The following ADARB2 variants were observed in gnomAD, a reference collection of about 807,000 sequenced individuals.
ADARB2 encodes inactive double-stranded RNA-specific editase B2.
A neutral mutation model predicts 62.2 loss-of-function variants in ADARB2; 25 were observed. That is an observed-to-expected ratio of 0.40 (90% CI 0.29 to 0.56). The LOEUF (loss-of-function observed/expected upper bound fraction) is 0.56, where lower values mean the gene tolerates loss of function less well. ADARB2 is among the 20% of genes least tolerant of loss of function. The probability of loss-of-function intolerance (pLI) is 0.43; values close to 1 mark genes in which losing one functional copy is unlikely to be tolerated. For missense variants in ADARB2, 1,071 were observed against 1,077.4 expected (o/e 0.99, Z 0.08); for synonymous variants, 572 against 500.8 (o/e 1.14, Z -1.90).
At chr10:1,705,262 G>A (rs1244093265) in intron 1 of ADARB2, among the ~76,000 whole-genome samples, 1 of 152,180 alleles carries the variant, frequency 6.6e-6, no homozygotes, top group Non-Finnish European at 1.5e-5. Context: ...GGGTTGCAGG[G>A]GCTGCATTCT....
chr10:1,706,355 G>T (rs1357103965), intron 1 of ADARB2, among the ~76,000 whole-genome samples: 1 of 152,188 alleles, frequency 6.6e-6, no homozygotes, highest in Non-Finnish European at 1.5e-5. Context: ...CTGGGGAATA[G>T]GAACAGCTTG....
chr10:1,240,820 T>C (rs1265896961), intron 5 of ADARB2, among the ~76,000 whole-genome samples: 1 of 152,212 alleles, frequency 6.6e-6, no homozygotes, highest in Admixed American at 6.5e-5. Context: ...TTGGTGATAG[T>C]CCCAGTTGAG....
chr10:1,487,366 C>A (rs946891332), intron 1 of ADARB2, among the ~76,000 whole-genome samples: 1 of 152,382 alleles, frequency 6.6e-6, no homozygotes, highest in East Asian at 1.9e-4. Context: ...CACACTCACA[C>A]TTCTCGTAAA....
Position 1,363,523 on chromosome 10 carries a change from G to A in ADARB2, c.582C>T (p.Asn194=). 6.5e-7 allele frequency: 1 copy of A among 1,543,578 alleles called. No homozygotes were observed. Among genetic ancestry groups the A allele is most frequent in the South Asian group, 1.2e-5 (1 of 81,520 alleles). Residue 194 remains asparagine, a synonymous_variant, in exon 3 of 10, where the codon AAC becomes AAT. Transcript: ENST00000381312. ...LALRSFVQFP[N]ACQAHLAMGG... ...CCATGGCCAGGTGCGCCTGGCAGGC[G>A]TTGGGGAACTGCACGAAGGACCTGA...
chr10:1,249,724 G>A (rs528925331), intron 4 of ADARB2, among the ~76,000 whole-genome samples: 1 of 151,932 alleles, frequency 6.6e-6, no homozygotes, highest in Non-Finnish European at 1.5e-5. Flanking sequence ...CCATTGACGA[G>A]CACAACAAGA....
chr10:1,484,092 C>A (rs938503673), intron 1 of ADARB2, among the ~76,000 whole-genome samples: 1 of 152,164 alleles, frequency 6.6e-6, no homozygotes, highest in African/African-American at 2.4e-5. Flanking sequence ...TCACAATAAG[C>A]CCATAAGCAC....
At chr10:1,735,981 C>T (rs1331798557) in intron 1 of ADARB2, among the ~76,000 whole-genome samples, 7 of 152,232 alleles carry the variant, frequency 4.6e-5, no homozygotes, top group Non-Finnish European at 8.8e-5. Context: ...GAAAGATGGA[C>T]AACCCCAAAC....
intron 1 of ADARB2, among the ~76,000 whole-genome samples, chr10:1,710,578 C>A (rs893495374): frequency 6.6e-6 from 1 of 152,188 alleles, no homozygotes; most frequent in African/African-American, 2.4e-5. Context: ...CACTTATTCA[C>A]GGCACTCACA....
At chr10:1,524,698 G>T (rs547001445) in intron 1 of ADARB2, among the ~76,000 whole-genome samples, 56 of 152,268 alleles carry the variant, frequency 3.7e-4, no homozygotes, top group African/African-American at 1.3e-3. Context: ...CAGCCCGGTG[G>T]CTGCCCGGGG....
At chr10:1,402,255 C>T (rs1832670162) in intron 1 of ADARB2, among the ~76,000 whole-genome samples, 1 of 152,190 alleles carries the variant, frequency 6.6e-6, no homozygotes, top group Non-Finnish European at 1.5e-5. Flanking sequence ...TCAGTGTTTA[C>T]GCGTGCGCGC....
At chr10:1,640,111 G>A (rs1833963161) in intron 1 of ADARB2, among the ~76,000 whole-genome samples, 1 of 152,214 alleles carries the variant, frequency 6.6e-6, no homozygotes, top group Admixed American at 6.5e-5. Flanking sequence ...TAGTGATGGG[G>A]AACTCACTAT....
chr10:1,525,750 GGTGT>G (rs1832132118), intron 1 of ADARB2, among the ~76,000 whole-genome samples: 1 of 152,010 alleles, frequency 6.6e-6, no homozygotes, highest in African/African-American at 2.4e-5. Flanking sequence ...TGCATGTATG[GGTGT>G]GTATGTGTAT....
At position 1,251,406 on chromosome 10, in the gene ADARB2, G is replaced by A. The variant is rs546972207; in HGVS notation, c.1193-9107C>T. Among the ~76,000 whole-genome samples, 102 of 152,340 alleles carry A rather than the reference G, an allele frequency of 6.7e-4. 1 individual carries two copies. The highest frequency in any genetic ancestry group is 5.2e-3 in the Admixed American group (79 of 15,298). The stretch of plus-strand genomic sequence containing the variant: ...ATGGAGATATGTAAAAAGGTCAGTG[G>A]TTGCCAGGGGATGAGGCGGGGAAGG... On this transcript the variant is annotated intron_variant, in intron 4 of 9. Transcript: ENST00000381312.
intron 1 of ADARB2, among the ~76,000 whole-genome samples, chr10:1,707,152 G>A (rs1020075410): frequency 1.3e-5 from 2 of 152,156 alleles, no homozygotes; most frequent in African/African-American, 4.8e-5. Flanking sequence ...TCCTTTACAG[G>A]TGCTTCCTTC....
At chr10:1,736,601 G>A (rs1282930448) in intron 1 of ADARB2, among the ~76,000 whole-genome samples, 4 of 152,264 alleles carry the variant, frequency 2.6e-5, no homozygotes, top group Non-Finnish European at 5.9e-5. Context: ...CGATCGCAGG[G>A]CTTCGCCTAT....
rs1564199807 is a variant in ADARB2, at chr10:1,704,352, G to A, written c.100+32699C>T. 1.3e-5 allele frequency among the ~76,000 whole-genome samples: 2 copies of A among 152,216 alleles called. No individual in the cohort carries two copies. The highest frequency in any genetic ancestry group is 2.9e-5 in the Non-Finnish European group (2 of 68,034). ...TGAGCTTGTTTTCCTGCAACTCGAT[G>A]GCCCCACCTGGGGATGATGGGAGAC... On this transcript the variant is annotated intron_variant, in intron 1 of 9. Transcript: ENST00000381312. The surrounding 1 kb of genome is among the most constrained non-coding windows in gnomAD (Gnocchi z 5.6).
intron 1 of ADARB2, among the ~76,000 whole-genome samples, chr10:1,543,317 G>T (rs1269358762): frequency 4.6e-5 from 7 of 152,246 alleles, no homozygotes; most frequent in Admixed American, 4.6e-4. Context: ...AGGTGGGTCT[G>T]CAGTGCAGTC....
intron 1 of ADARB2, among the ~76,000 whole-genome samples, chr10:1,412,386 AT>A (rs749157299): frequency 1.3e-5 from 2 of 152,120 alleles, no homozygotes; most frequent in African/African-American, 2.4e-5. Context: ...TGAACAAATA[AT>A]TTAAAAAATT....
chr10:1,428,143 T>C (rs1830725884), intron 1 of ADARB2, among the ~76,000 whole-genome samples: 1 of 151,472 alleles, frequency 6.6e-6, no homozygotes, highest in African/African-American at 2.4e-5. Context: ...ACTAATTTTT[T>C]TGTATTTTTA....
Sources: gnomAD v4.1 joint callset for allele counts (sites outside exome capture counted in the v4.1 genomes callset) on GRCh38, gnomAD v4.1.1 for gene constraint, Gnocchi (gnomAD v3.1) non-coding constraint, MANE v1.5 for transcripts, NCBI Gene and HGNC (gene_info 2026-07-23, HGNC 2026-07-21) for gene names.